The following LIFR variants were observed in gnomAD, a reference collection of about 807,000 sequenced individuals.
LIFR encodes leukemia inhibitory factor receptor.
LIFR carries 84 observed loss-of-function variants against 122.2 expected under a neutral mutation model. That is an observed-to-expected ratio of 0.69 (90% confidence interval 0.58 to 0.82). LIFR has a LOEUF of 0.82. Ranked by LOEUF, LIFR falls within the 40% of genes least tolerant of loss-of-function variation. LIFR has a pLI of 0.00. For missense variants in LIFR, 1,294 were observed against 1,311.6 expected (o/e 0.99, Z 0.21); for synonymous variants, 422 against 434.7 (o/e 0.97, Z 0.36).
At chr5:38,583,413 C>T (rs1749649587) in intron 1 of LIFR, among the ~76,000 whole-genome samples, 1 of 152,082 alleles carries the variant, frequency 6.6e-6, no homozygotes, top group Non-Finnish European at 1.5e-5. Context: ...AAAACACTGA[C>T]ACCAAAAGTT....
chr5:38,595,013 G>C (rs1278554948), intron 1 of LIFR: 1 of 183,048 alleles, frequency 5.5e-6, no homozygotes, highest in African/African-American at 2.4e-5. Flanking sequence ...TACAGAGACT[G>C]AAGACTGAGG....
At chr5:38,525,913 C>T (rs1746653314) in intron 4 of LIFR, among the ~76,000 whole-genome samples, 1 of 152,150 alleles carries the variant, frequency 6.6e-6, no homozygotes, top group Non-Finnish European at 1.5e-5. Context: ...TGCTTCCCTC[C>T]CTGAAAAGTC....
rs1190747466 is a variant in LIFR, at chr5:38,549,580, CAGG to C, written c.-20+6751_-20+6753del. On this transcript the variant is annotated intron_variant, in intron 1 of 19. Coordinates refer to ENST00000453190, the MANE Select transcript of LIFR (RefSeq NM_001127671.2). ...GGCCGAGGCAGGCGGATCACGAGGT[CAGG>C]AGATCGAGACCATCCTGGCTAACAC... Among the ~76,000 whole-genome samples the C allele has an allele frequency of 2.6e-5, 4 of 152,290 alleles. No individual in the cohort carries two copies. The East Asian group carries it at 7.7e-4, about 29-fold the overall frequency.
intron 1 of LIFR, among the ~76,000 whole-genome samples, chr5:38,536,160 T>C (rs774650677): frequency 1.3e-5 from 2 of 152,202 alleles, no homozygotes; most frequent in African/African-American, 2.4e-5. Context: ...TTTCCAAGAT[T>C]TGGGAAGCTA....
In LIFR at chr5:38,480,080, A is replaced by G. The variant is rs1403904442; in HGVS notation, c.*1515T>C. 4.4e-6 allele frequency: 1 copy of G among 226,084 alleles called. No individual in the cohort carries two copies. The highest frequency in any genetic ancestry group is 8.8e-6 in the Non-Finnish European group (1 of 113,792). The allele number at this position is 226,084 out of a possible 1,614,324, so 14.0% of individuals were successfully genotyped here. On this transcript the variant is annotated 3_prime_UTR_variant, in exon 20 of 20. Coordinates refer to ENST00000453190, the MANE Select transcript of LIFR (RefSeq NM_001127671.2). ...TTCAAAAAAAATTAATTGATCCATT[A>G]TTTGCAAATACATTACAGAATCTCA...
At chr5:38,506,685 C>T in intron 7 of LIFR, 53 bp from the exon 8 acceptor site, 1 of 1,471,004 alleles carries the variant, frequency 6.8e-7, no homozygotes, top group Non-Finnish European at 9.5e-7. Flanking sequence ...TCCCTGAAAA[C>T]ATAATATTTT....
intron 1 of LIFR, among the ~76,000 whole-genome samples, chr5:38,566,881 C>A (rs1749043797): frequency 6.6e-6 from 1 of 152,128 alleles, no homozygotes; most frequent in Non-Finnish European, 1.5e-5. Flanking sequence ...AGAAGAAAAT[C>A]CTTGATTTGT....
At position 38,481,274 on chromosome 5, in the gene LIFR, C is replaced by T. The variant is rs918331216; in HGVS notation, c.*321G>A. ...ACAACAGAACAGAAAACAGTTGCGG[C>T]GGGATTTGTTTTACATGTACGTACA... is the stretch of plus-strand genomic sequence containing the variant. On this transcript the variant is annotated 3_prime_UTR_variant, in exon 20 of 20. Coordinates refer to ENST00000453190, the MANE Select transcript of LIFR (RefSeq NM_001127671.2). 2.8e-5 allele frequency: 11 copies of T among 398,912 alleles called. No individual in the cohort carries two copies. The highest frequency in any genetic ancestry group is 8.4e-5 in the East Asian group (2 of 23,932). The allele number at this position is 398,912 out of a possible 1,614,324, so 24.7% of individuals were successfully genotyped here.
chr5:38,537,434 C>T lies in LIFR; in HGVS notation c.-19-6768G>A, dbSNP rs73079411. On this transcript the variant is annotated intron_variant, in intron 1 of 19. Coordinates refer to ENST00000453190, the MANE Select transcript of LIFR (RefSeq NM_001127671.2). The stretch of plus-strand genomic sequence containing the variant: ...GACTACTCATATCCCACTTCAACTA[C>T]GCTATAAGAGTGACTGGTATGTAAC... Among the ~76,000 whole-genome samples the T allele has an allele frequency of 4.5e-3, 691 of 152,278 alleles. 7 individuals carry two copies. Among genetic ancestry groups the T allele is most frequent in the African/African-American group, 0.015 (638 of 41,558 alleles).
At chr5:38,489,342 C>G in intron 15 of LIFR, 97 bp from the exon 16 acceptor site, 2 of 981,262 alleles carry the variant, frequency 2.0e-6, no homozygotes, top group Non-Finnish European at 3.1e-6. Flanking sequence ...AATAATTCAA[C>G]TTGGAATTAA....
At chr5:38,539,137 T>C (rs1245821026) in intron 1 of LIFR, among the ~76,000 whole-genome samples, 1 of 151,962 alleles carries the variant, frequency 6.6e-6, no homozygotes, top group Non-Finnish European at 1.5e-5. Context: ...ATTTTTTGTA[T>C]TTTTTAGGAG....
upstream of LIFR, chr5:38,557,099 G>C (rs941851247): frequency 6.6e-6 from 1 of 152,374 alleles, no homozygotes; most frequent in East Asian, 1.9e-4. Flanking sequence ...CCAGCTTCTG[G>C]GAGAGGGGGA....
At chr5:38,572,829 T>C (rs2112719728) in intron 1 of LIFR, among the ~76,000 whole-genome samples, 1 of 152,340 alleles carries the variant, frequency 6.6e-6, no homozygotes, top group Non-Finnish European at 1.5e-5. Context: ...ACTACCATCA[T>C]AGTCATCTAA....
chr5:38,605,188 C>A (rs942694051), intron 2 of LIFR, among the ~76,000 whole-genome samples: 1 of 152,056 alleles, frequency 6.6e-6, no homozygotes, highest in African/African-American at 2.4e-5. Flanking sequence ...ATGGCCTGAA[C>A]TTGTCTTTCA....
At position 38,482,632 on chromosome 5, in the gene LIFR, G is replaced by A; in HGVS notation, c.2627C>T (p.Pro876Leu). The change falls in exon 19 of 20, where the codon CCA becomes CTA. Residue 876 changes from proline (P) to leucine (L), a missense_variant. By Grantham distance (98) the Pro-to-Leu change is moderately conservative. Coordinates refer to ENST00000453190, the MANE Select transcript of LIFR (RefSeq NM_001127671.2). ...AAACTGTAATGCTTTACAGTTTTCT[G>A]GATTTGGAATATCAGGGTAGAAGGT... is the stretch of plus-strand genomic sequence containing the variant. ...KETFYPDIPNPENCKALQFQK... is the reference protein window; with the variant it reads ...KETFYPDIPNLENCKALQFQK... 1.3e-6 allele frequency: 2 copies of A among 1,495,492 alleles called. No homozygotes were observed. Among genetic ancestry groups the A allele is most frequent in the Non-Finnish European group, 1.8e-6 (2 of 1,100,186 alleles). The allele number at this position is 1,495,492 out of a possible 1,614,324, so 92.6% of individuals were successfully genotyped here.
intron 7 of LIFR, among the ~76,000 whole-genome samples, chr5:38,509,593 A>G (rs1745683672): frequency 6.6e-6 from 1 of 152,130 alleles, no homozygotes; most frequent in African/African-American, 2.4e-5. Context: ...GCACTAAGGA[A>G]TCAAAAGAAA....
intron 12 of LIFR, among the ~76,000 whole-genome samples, chr5:38,497,730 T>C (rs1744959369): frequency 6.6e-6 from 1 of 152,212 alleles, no homozygotes; most frequent in African/African-American, 2.4e-5. Flanking sequence ...AACATTGTTT[T>C]AATCATATTA....
chr5:38,484,084 A>G (rs1744143214), intron 18 of LIFR, among the ~76,000 whole-genome samples: 1 of 152,162 alleles, frequency 6.6e-6, no homozygotes. Context: ...AGGGCCCTCA[A>G]AGAAATAATT....
chr5:38,594,853 G>C (rs57262447), intron 1 of LIFR: 15,345 of 197,464 alleles, frequency 0.078, 1,812 homozygotes, highest in African/African-American at 0.26. Context: ...CCACAGAGCA[G>C]CTTCAGGCAT....
Sources: allele counts gnomAD v4.1 joint callset (sites outside exome capture counted in the v4.1 genomes callset), GRCh38; gene constraint gnomAD v4.1.1; transcripts MANE v1.5; gene names NCBI Gene and HGNC (gene_info 2026-07-23, HGNC 2026-07-21).